MDC1: variants seen among roughly 807,000 people sequenced by gnomAD.
MDC1 encodes the protein mediator of DNA damage checkpoint protein 1.
Under a neutral mutation model 142.5 loss-of-function variants are expected in MDC1, and 81 were observed. That is an observed-to-expected ratio of 0.57 (90% CI 0.47 to 0.68). The LOEUF is 0.68. MDC1 is among the 30% of genes least tolerant of loss of function. The pLI is 0.00. For missense variants in MDC1, 2,119 were observed against 2,547.9 expected (o/e 0.83, Z 3.62); for synonymous variants, 797 against 968.4 (o/e 0.82, Z 3.29).
chr6:30,711,517 A>G lies in MDC1; in HGVS notation c.2129-13T>C, dbSNP rs767906042. 6.2e-7 allele frequency: 1 copy of G among 1,612,232 alleles called. No homozygotes were observed. Among genetic ancestry groups the G allele is most frequent in the Non-Finnish European group, 8.5e-7 (1 of 1,179,290 alleles). ...ATGCTCTGGACTGCTGTACAGGAAA[A>G]GATGGCCTAAGTTCATCTCCTCCAT... On this transcript the variant is annotated splice_polypyrimidine_tract_variant and intron_variant, in intron 6 of 14. Transcript: ENST00000376406.
rs771162932 is a variant in MDC1, at chr6:30,712,381, T to A, written c.1561A>T (p.Ile521Phe). The change falls in exon 5 of 15, where the codon ATC becomes TTC. Residue 521 changes from isoleucine (I) to phenylalanine (F), a missense_variant. Coordinates refer to ENST00000376406, the MANE Select transcript of MDC1 (RefSeq NM_014641.3). The surrounding 1 kb of genome is among the most constrained non-coding windows in gnomAD (Gnocchi z 4.7). ...ACTTCCTTCTCCACTTGTGTGTTGA[T>A]GTCCACTGTGGTGGAGGCTTGGCTT... ...ERSQASTTVD[I>F]NTQVEKEVPP... 1.2e-6 allele frequency: 2 copies of A among 1,613,030 alleles called. No individual in the cohort carries two copies. Among genetic ancestry groups the A allele is most frequent in the African/African-American group, 1.3e-5 (1 of 74,950 alleles).
chr6:30,707,312 G>T, intron 9 of MDC1, 72 bp downstream of exon 9: 2 of 1,434,422 alleles, frequency 1.4e-6, no homozygotes, highest in Admixed American at 3.4e-5. Flanking sequence ...TTAAAGTGAG[G>T]CTAGGTGAAA....
At chr6:30,701,142 C>G (rs1772605328) in intron 14 of MDC1, among the ~76,000 whole-genome samples, 1 of 150,136 alleles carries the variant, frequency 6.7e-6, no homozygotes, top group African/African-American at 2.5e-5. Context: ...GTGGCTCACG[C>G]CTATAATCCC....
Position 30,705,157 on chromosome 6 carries a change from G to A in MDC1, c.4026C>T (p.Val1342=). ...TGGTCCGAGATGTGGGCTTAGGGGT[G>A]ACAGGTTGGTCTGTGGAGGTGGAAA... is the stretch of plus-strand genomic sequence containing the variant. ...LQISTSTDQP[V]TPKPTSRTTR... The change falls in exon 10 of 15, where the codon GTC becomes GTT. Residue 1342 remains valine, a synonymous_variant. Coordinates refer to ENST00000376406, the MANE Select transcript of MDC1 (RefSeq NM_014641.3). The A allele has an allele frequency of 6.2e-7, 1 of 1,604,618 alleles. No individual in the cohort carries two copies. Among genetic ancestry groups the A allele is most frequent in the Non-Finnish European group, 8.5e-7 (1 of 1,176,176 alleles).
intron 7 of MDC1, 26 bp from the exon 8 acceptor site, chr6:30,708,383 G>C (rs1368779806): frequency 1.9e-6 from 3 of 1,565,328 alleles, no homozygotes; most frequent in East Asian, 4.5e-5. Context: ...GGAAGAGAGA[G>C]AGAGGGAGAG....
At position 30,716,755 on chromosome 6, in the gene MDC1, T is replaced by C. The variant is rs1775719491; in HGVS notation, c.-4+490A>G. On this transcript the variant is annotated intron_variant, in intron 1 of 14. Transcript: ENST00000376406. This position sits in a 1 kb window ranked among gnomAD's most constrained non-coding sequence, Gnocchi z 4.4. ...CATTCAATGGTTATGGTATACCTGT[T>C]TGAAGTATTTGGTATACATCTGTGA... The C allele has an allele frequency of 4.7e-6, 1 of 214,560 alleles. No homozygotes were observed. Among genetic ancestry groups the C allele is most frequent in the South Asian group, 1.6e-4 (1 of 6,136 alleles). 13.3% of individuals were successfully genotyped at this position (214,560 alleles called of 1,614,324 possible).
intron 8 of MDC1, 50 bp from the exon 9 acceptor site, chr6:30,707,504 C>T: frequency 6.2e-7 from 1 of 1,613,014 alleles, no homozygotes. Context: ...CAGCTGGTTG[C>T]CCAGGGGTTG....
At chr6:30,701,989 G>A (rs1378293191) in intron 14 of MDC1, among the ~76,000 whole-genome samples, 3 of 151,846 alleles carry the variant, frequency 2.0e-5, no homozygotes, top group Non-Finnish European at 2.9e-5. Flanking sequence ...AAAGCCGGGC[G>A]CGGTGGCTCA....
In MDC1 at chr6:30,713,887, G is replaced by C; in HGVS notation, c.433C>G (p.Leu145Val). The C allele has an allele frequency of 6.2e-7, 1 of 1,613,954 alleles. No homozygotes were observed. The highest frequency in any genetic ancestry group is 8.5e-7 in the Non-Finnish European group (1 of 1,180,034). Residue 145 changes from leucine (L) to valine (V), a missense_variant, in exon 3 of 15, where the codon CTG becomes GTG. Coordinates refer to ENST00000376406, the MANE Select transcript of MDC1 (RefSeq NM_014641.3). This position sits in a 1 kb window ranked among gnomAD's most constrained non-coding sequence, Gnocchi z 4.9. ...VSLPFVSRGPLTVEETPRVQG... is the reference protein window; with the variant it reads ...VSLPFVSRGPVTVEETPRVQG... ...ACTCTGGGTGTCTCTTCTACTGTCA[G>C]AGGGCCCCGGGAGACAAAGGGCAGA... is the stretch of plus-strand genomic sequence containing the variant.
Position 30,713,390 on chromosome 6 carries a change from T to C in MDC1, c.588-36A>G. Reference sequence around the variant, plus strand: ...AAGAAAAGAGAGTCTATAGAATTTATTTCCCTGGAAGGGATACCCCAACTC... The same window carrying C: ...AAGAAAAGAGAGTCTATAGAATTTACTTCCCTGGAAGGGATACCCCAACTC... On this transcript the variant is annotated intron_variant, in intron 4 of 14. Coordinates refer to ENST00000376406, the MANE Select transcript of MDC1 (RefSeq NM_014641.3). The surrounding 1 kb of genome is among the most constrained non-coding windows in gnomAD (Gnocchi z 4.9). 2 of 1,519,456 alleles carry C rather than the reference T, an allele frequency of 1.3e-6. No homozygotes were observed. The highest frequency in any genetic ancestry group is 1.8e-6 in the Non-Finnish European group (2 of 1,141,280). 94.1% of individuals were successfully genotyped at this position (1,519,456 alleles called of 1,614,324 possible).
rs1180837904 is a variant in MDC1, at chr6:30,712,374, G to T, written c.1568C>A (p.Thr523Lys). ...TGGCGGGACTTCCTTCTCCACTTGTGTGTTGATGTCCACTGTGGTGGAGGC... is the reference window on the plus strand; with the variant it reads ...TGGCGGGACTTCCTTCTCCACTTGTTTGTTGATGTCCACTGTGGTGGAGGC... ...SQASTTVDIN[T>K]QVEKEVPPGS... Residue 523 changes from threonine (T) to lysine (K), a missense_variant, in exon 5 of 15, where the codon ACA becomes AAA. Coordinates refer to ENST00000376406, the MANE Select transcript of MDC1 (RefSeq NM_014641.3). This position sits in a 1 kb window ranked among gnomAD's most constrained non-coding sequence, Gnocchi z 4.7. 6.2e-7 allele frequency: 1 copy of T among 1,613,078 alleles called. No individual in the cohort carries two copies. The highest frequency in any genetic ancestry group is 1.1e-5 in the South Asian group (1 of 91,086).
At position 30,706,019 on chromosome 6, in the gene MDC1, G is replaced by A; in HGVS notation, c.3164C>T (p.Ser1055Phe). 1 of 1,607,138 alleles carries A rather than the reference G, an allele frequency of 6.2e-7. No homozygotes were observed. Among genetic ancestry groups the A allele is most frequent in the Admixed American group, 1.7e-5 (1 of 59,990 alleles). ...AGGTGCAAGATGTTTCTGGCTCTGAGAGTTAAGGGGCTTTTGGGGTGGGGC... is the reference window on the plus strand; with the variant it reads ...AGGTGCAAGATGTTTCTGGCTCTGAAAGTTAAGGGGCTTTTGGGGTGGGGC... ...APAPPQKPLN[S>F]QSQKHLAPPP... The change falls in exon 10 of 15, where the codon TCT (serine) becomes TTT (phenylalanine). Residue 1055 changes from serine (S) to phenylalanine (F), a missense_variant. By Grantham distance (155) the Ser-to-Phe change is radical. Transcript: ENST00000376406.
In MDC1 at chr6:30,709,890, C is replaced by CT. The variant is rs1038518594; in HGVS notation, c.2221+1521dup. On this transcript the variant is annotated intron_variant, in intron 7 of 14. Transcript: ENST00000376406. This position sits in a 1 kb window ranked among gnomAD's most constrained non-coding sequence, Gnocchi z 4.2. ...TCCACTGTGTATATATACACATTTTCTTTTTTTTTTAGATTGAGTCTTGCT... is the reference window on the plus strand; with the variant it reads ...TCCACTGTGTATATATACACATTTTCTTTTTTTTTTTAGATTGAGTCTTGCT... Among the ~76,000 whole-genome samples the CT allele has an allele frequency of 4.7e-4, 70 of 148,906 alleles. 1 individual carries two copies. In the East Asian group the frequency reaches 0.012, roughly 26 times the overall value.
At position 30,702,595 on chromosome 6, in the gene MDC1, G is replaced by A; in HGVS notation, c.6060C>T (p.Cys2020=). 6.2e-7 allele frequency: 1 copy of A among 1,610,498 alleles called. No individual in the cohort carries two copies. The highest frequency in any genetic ancestry group is 8.5e-7 in the Non-Finnish European group (1 of 1,178,764). ...PPPQMGEIIS[C]CGGTYLPSMP... Reference sequence around the variant, plus strand: ...TGCTGGGTAGGTATGTGCCTCCACAGCAGCTAATAATCTCTCCCATCTGAG... The same window carrying A: ...TGCTGGGTAGGTATGTGCCTCCACAACAGCTAATAATCTCTCCCATCTGAG... Residue 2020 remains cysteine (C), a synonymous_variant, in exon 14 of 15, where the codon TGC becomes TGT. Transcript: ENST00000376406.
Position 30,715,107 on chromosome 6 carries a change from G to A in MDC1, c.69C>T (p.Ser23=). 1 of 1,614,122 alleles carries A rather than the reference G, an allele frequency of 6.2e-7. No individual in the cohort carries two copies. The highest frequency in any genetic ancestry group is 8.5e-7 in the Non-Finnish European group (1 of 1,180,028). ...CTACTGGCTCCACGTTACACCTCAAGGATTCACTGGATTGCTCTGTCTCCT... is the reference window on the plus strand; with the variant it reads ...CTACTGGCTCCACGTTACACCTCAAAGATTCACTGGATTGCTCTGTCTCCT... The part of the protein sequence containing the change: ...EEEETEQSSE[S]LRCNVEPVGR... Residue 23 remains serine, a synonymous_variant, in exon 2 of 15, where the codon TCC becomes TCT. Transcript: ENST00000376406. The surrounding 1 kb of genome is among the most constrained non-coding windows in gnomAD (Gnocchi z 4.1).
rs1433259835 is a variant in MDC1 at position 30,704,424 on chromosome 6, G to A, written c.4759C>T (p.Leu1587Phe). Residue 1587 changes from leucine to phenylalanine, a missense_variant, in exon 10 of 15, where the codon CTT becomes TTT. Transcript: ENST00000376406. ...ELQPSTSRNQ[L>F]VTPEPTSRAT... ...CGAGATGTGGGCTCAGGGGTGACAA[G>A]CTGGTTTCTGGAGGTGGAAGGCTGA... is the stretch of plus-strand genomic sequence containing the variant. The A allele has an allele frequency of 5.0e-6, 8 of 1,612,650 alleles. No individual in the cohort carries two copies. The highest frequency in any genetic ancestry group is 8.5e-7 in the Non-Finnish European group (1 of 1,179,618).
Position 30,715,617 on chromosome 6 carries a change from G to T in MDC1, c.-3-439C>A, listed in dbSNP as rs1290361147. ...GCCTCCCAAAGTGCTGGGATTACAG[G>T]CGTGAGCCACTGCGCCCCGTTGTTT... On this transcript the variant is annotated intron_variant, in intron 1 of 14. Transcript: ENST00000376406. The surrounding 1 kb of genome is among the most constrained non-coding windows in gnomAD (Gnocchi z 4.1). Among the ~76,000 whole-genome samples the T allele has an allele frequency of 1.3e-5, 2 of 152,166 alleles. No homozygotes were observed. Among genetic ancestry groups the T allele is most frequent in the Non-Finnish European group, 2.9e-5 (2 of 68,030 alleles).
rs761210355 is a variant in MDC1, at chr6:30,712,954, C to T, written c.988G>A (p.Asp330Asn). Residue 330 changes from aspartate to asparagine, a missense_variant, in exon 5 of 15, where the codon GAC becomes AAC. Physicochemically the swap from Asp to Asn is conservative, Grantham distance 23. Transcript: ENST00000376406. This position sits in a 1 kb window ranked among gnomAD's most constrained non-coding sequence, Gnocchi z 4.7. ...RAQPFGFIDS[D>N]TDAEEERIPA... ...ATCCTCTCTTCTTCCGCATCAGTGTCGCTGTCGATGAAGCCAAAAGGCTGA... is the reference window on the plus strand; with the variant it reads ...ATCCTCTCTTCTTCCGCATCAGTGTTGCTGTCGATGAAGCCAAAAGGCTGA... 6.8e-6 allele frequency: 11 copies of T among 1,613,098 alleles called. No homozygotes were observed. The Admixed American group carries it at 1.0e-4, about 15-fold the overall frequency.
chr6:30,708,440 C>T, intron 7 of MDC1, 83 bp from the exon 8 acceptor site: 1 of 1,005,792 alleles, frequency 9.9e-7, no homozygotes. Flanking sequence ...TACAGGTTGA[C>T]ATAATAAATA....
Sources: allele counts gnomAD v4.1 joint callset (sites outside exome capture counted in the v4.1 genomes callset), GRCh38; gene constraint gnomAD v4.1.1; non-coding constraint Gnocchi (gnomAD v3.1); transcripts MANE v1.5; gene names NCBI Gene and HGNC (gene_info 2026-07-23, HGNC 2026-07-21).